ADAMTS17: variants seen among roughly 807,000 people sequenced by gnomAD.
ADAMTS17 encodes the protein ADAM metallopeptidase with thrombospondin type 1 motif 17, also known as A disintegrin and metalloproteinase with thrombospondin motifs 17.
In ADAMTS17, 113 loss-of-function variants were observed where a neutral mutation model predicts 141.5. The observed-to-expected ratio is 0.80, with a 90% CI of 0.69 to 0.93. ADAMTS17 has a LOEUF of 0.93. ADAMTS17 is among the 40% of genes least tolerant of loss of function. The probability of loss-of-function intolerance (pLI) is 0.00; values close to 1 mark genes in which losing one functional copy is unlikely to be tolerated. For synonymous variants in ADAMTS17, 768 were observed against 630.6 expected, an observed-to-expected ratio of 1.22 and a Z score of -3.27; for missense variants, 1,659 against 1,517.9, an observed-to-expected ratio of 1.09 and a Z score of -1.54.
In ADAMTS17 at chr15:100,151,842, C is replaced by T. The variant is rs368062171; in HGVS notation, c.1473+770G>A. Among the ~76,000 whole-genome samples, 15 of 152,348 alleles carry T rather than the reference C, an allele frequency of 9.8e-5. 2 individuals are homozygous for T. The South Asian group carries it at 3.1e-3, about 32-fold the overall frequency. ...GGTACCCACATGCCCCTCTTGGCAC[C>T]CCTCACCCATAAAACCAGCCAAGTC... is the stretch of plus-strand genomic sequence containing the variant. On this transcript the variant is annotated intron_variant, in intron 10 of 21. Transcript: ENST00000268070.
intron 15 of ADAMTS17, among the ~76,000 whole-genome samples, chr15:100,060,228 A>G (rs1258586176): frequency 6.6e-6 from 1 of 152,176 alleles, no homozygotes; most frequent in Non-Finnish European, 1.5e-5. Context: ...CCAAAACATA[A>G]CTATGCTCAC....
intron 2 of ADAMTS17, among the ~76,000 whole-genome samples, chr15:100,335,658 G>A (rs779556359): frequency 2.6e-5 from 4 of 152,076 alleles, no homozygotes; most frequent in Non-Finnish European, 5.9e-5. Flanking sequence ...TCTGGGAACA[G>A]CCTGCAGGGC....
intron 8 of ADAMTS17, among the ~76,000 whole-genome samples, chr15:100,190,086 G>A (rs1230576395): frequency 6.6e-6 from 1 of 152,242 alleles, no homozygotes; most frequent in African/African-American, 2.4e-5. Context: ...CACTGCAGAA[G>A]TGAGGCTCTG....
At chr15:100,152,069 C>T (rs544117413) in intron 10 of ADAMTS17, among the ~76,000 whole-genome samples, 15 of 152,232 alleles carry the variant, frequency 9.9e-5, no homozygotes, top group African/African-American at 3.4e-4. Context: ...ATGTTGGAAG[C>T]GTTAGTACCA....
intron 4 of ADAMTS17, among the ~76,000 whole-genome samples, chr15:100,264,155 C>T (rs866093516): frequency 6.6e-6 from 1 of 152,240 alleles, no homozygotes; most frequent in African/African-American, 2.4e-5. Context: ...TCCAAAATCT[C>T]CTTTCCTCAG....
At chr15:100,268,984 C>A (rs1464990550) in intron 4 of ADAMTS17, among the ~76,000 whole-genome samples, 1 of 152,078 alleles carries the variant, frequency 6.6e-6, no homozygotes. Flanking sequence ...CACATCATAC[C>A]TACAACCATC....
At chr15:100,222,787 C>T (rs565806954) in intron 7 of ADAMTS17, among the ~76,000 whole-genome samples, 6 of 152,356 alleles carry the variant, frequency 3.9e-5, no homozygotes, top group South Asian at 2.1e-4. Flanking sequence ...ATGATGCCAA[C>T]GTGGCTGCCA....
intron 16 of ADAMTS17, among the ~76,000 whole-genome samples, chr15:100,053,689 G>T (rs716472): frequency 6.6e-6 from 1 of 152,104 alleles, no homozygotes; most frequent in Non-Finnish European, 1.5e-5. Context: ...GAAGCAATGA[G>T]AGAATTCTGA....
intron 15 of ADAMTS17, among the ~76,000 whole-genome samples, chr15:100,058,742 C>T (rs2032863581): frequency 6.6e-6 from 1 of 152,152 alleles, no homozygotes; most frequent in Non-Finnish European, 1.5e-5. Context: ...CTCTGATCAC[C>T]GGAGCGGGGT....
intron 7 of ADAMTS17, among the ~76,000 whole-genome samples, chr15:100,252,308 G>A (rs2043179612): frequency 6.6e-6 from 1 of 152,100 alleles, no homozygotes; most frequent in South Asian, 2.1e-4. Context: ...CATTCATTCA[G>A]TTCTTCATTT....
chr15:100,238,481 G>A (rs561304256), intron 7 of ADAMTS17, among the ~76,000 whole-genome samples: 3 of 152,346 alleles, frequency 2.0e-5, no homozygotes, highest in African/African-American at 7.2e-5. Context: ...GAGTATGAAT[G>A]ACGGAAAAGC....
rs114605371 is a variant in ADAMTS17 at position 100,328,140 on chromosome 15, G to A, written c.616+2749C>T. Among the ~76,000 whole-genome samples the A allele has an allele frequency of 6.6e-3, 999 of 152,306 alleles. 8 individuals are homozygous for A. The highest frequency in any genetic ancestry group is 0.022 in the African/African-American group (907 of 41,554). ...TGCCATGTTCAGCCAGGAAGAGCATGTTCCCATGGGAAAGCTTGGATTAAT... is the reference window on the plus strand; with the variant it reads ...TGCCATGTTCAGCCAGGAAGAGCATATTCCCATGGGAAAGCTTGGATTAAT... On this transcript the variant is annotated intron_variant, in intron 3 of 21. Coordinates refer to ENST00000268070, the MANE Select transcript of ADAMTS17 (RefSeq NM_139057.4).
chr15:100,152,525 GC>G, intron 10 of ADAMTS17, 86 bp downstream of exon 10: 2 of 1,566,810 alleles, frequency 1.3e-6, no homozygotes, highest in Non-Finnish European at 1.7e-6. Context: ...GAGTGTGAAT[GC>G]CCATGTCCTC....
chr15:100,310,684 C>G (rs368009097), intron 3 of ADAMTS17, among the ~76,000 whole-genome samples: 1 of 152,222 alleles, frequency 6.6e-6, no homozygotes, highest in Non-Finnish European at 1.5e-5. Flanking sequence ...CCACCAGTGA[C>G]GCCTGACGTT....
At chr15:100,005,748 G>A (rs938995042) in intron 18 of ADAMTS17, among the ~76,000 whole-genome samples, 3 of 152,142 alleles carry the variant, frequency 2.0e-5, no homozygotes, top group East Asian at 1.9e-4. Flanking sequence ...TAGGATTGTC[G>A]ATAAAAGTAT....
At chr15:99,975,677 TGCATCCTCATG>T in intron 21 of ADAMTS17, among the ~76,000 whole-genome samples, 1 of 152,310 alleles carries the variant, frequency 6.6e-6, no homozygotes, top group Non-Finnish European at 1.5e-5. Context: ...GCCCCATGTG[TGCATCCTCATG>T]GCATCATGAA....
At chr15:100,016,570 T>C (rs1276244746) in intron 18 of ADAMTS17, among the ~76,000 whole-genome samples, 2 of 152,198 alleles carry the variant, frequency 1.3e-5, no homozygotes, top group Non-Finnish European at 2.9e-5. Context: ...CTTGATGGAG[T>C]ACTCTGCCCC....
At chr15:100,124,430 T>C (rs1313073050) in intron 12 of ADAMTS17, among the ~76,000 whole-genome samples, 2 of 152,216 alleles carry the variant, frequency 1.3e-5, no homozygotes, top group Non-Finnish European at 2.9e-5. Context: ...CAGATACTGC[T>C]ACACACGCAT....
intron 14 of ADAMTS17, among the ~76,000 whole-genome samples, chr15:100,098,122 A>G (rs1230352605): frequency 6.6e-6 from 1 of 152,238 alleles, no homozygotes; most frequent in Non-Finnish European, 1.5e-5. Context: ...GACAGCAAGG[A>G]GCAAATGGAT....
Sources: allele counts gnomAD v4.1 joint callset (sites outside exome capture counted in the v4.1 genomes callset), GRCh38; gene constraint gnomAD v4.1.1; transcripts MANE v1.5; gene names NCBI Gene and HGNC (gene_info 2026-07-23, HGNC 2026-07-21).